Variants in NKAIN2 observed in about 807,000 individuals in gnomAD.
NKAIN2 encodes sodium/potassium-transporting ATPase subunit beta-1-interacting protein 2.
A neutral mutation model predicts 32.6 loss-of-function variants in NKAIN2; 14 were observed. That is an observed-to-expected ratio of 0.43 (90% confidence interval 0.28 to 0.67). NKAIN2 has a LOEUF of 0.67. Among genes scored for constraint, NKAIN2 ranks in the 30% least tolerant of loss-of-function variants. NKAIN2 has a pLI of 0.17. For missense variants in NKAIN2, 198 were observed against 258.3 expected (o/e 0.77, Z 1.60); for synonymous variants, 80 against 87.2 (o/e 0.92, Z 0.46).
intron 2 of NKAIN2, among the ~76,000 whole-genome samples, chr6:124,348,333 C>T (rs922642961): frequency 1.4e-4 from 21 of 152,180 alleles, no homozygotes; most frequent in African/African-American, 3.9e-4. Context: ...TCTCCAGCTG[C>T]GTGCTGGGAG....
intron 3 of NKAIN2, among the ~76,000 whole-genome samples, chr6:124,574,915 T>G (rs1450573227): frequency 6.6e-6 from 1 of 152,202 alleles, no homozygotes; most frequent in Non-Finnish European, 1.5e-5. Flanking sequence ...GGGTTATACA[T>G]TCATTCAGAA....
chr6:124,707,626 G>A (rs1342065260), intron 4 of NKAIN2, among the ~76,000 whole-genome samples: 1 of 146,272 alleles, frequency 6.8e-6, no homozygotes, highest in Non-Finnish European at 1.5e-5. Context: ...TTTTTTGGCT[G>A]CATAAATGTC....
At chr6:124,717,560 T>A (rs917777629) in intron 4 of NKAIN2, among the ~76,000 whole-genome samples, 1 of 152,156 alleles carries the variant, frequency 6.6e-6, no homozygotes, top group African/African-American at 2.4e-5. Context: ...GAAAAAAGTA[T>A]TAAAAGTTTT....
intron 4 of NKAIN2, among the ~76,000 whole-genome samples, chr6:124,771,777 G>A (rs547907353): frequency 6.6e-6 from 1 of 152,012 alleles, no homozygotes; most frequent in Non-Finnish European, 1.5e-5. Context: ...TTATTTCTTA[G>A]AGTAAAAACA....
At chr6:124,256,765 C>T (rs1793954132) in intron 1 of NKAIN2, among the ~76,000 whole-genome samples, 2 of 151,928 alleles carry the variant, frequency 1.3e-5, no homozygotes, top group Admixed American at 1.3e-4. Flanking sequence ...ATTGTAAACA[C>T]TAATAAACAG....
chr6:124,510,970 C>G (rs1431081185), intron 3 of NKAIN2, among the ~76,000 whole-genome samples: 1 of 152,070 alleles, frequency 6.6e-6, no homozygotes, highest in Non-Finnish European at 1.5e-5. Flanking sequence ...ATACATTCAT[C>G]TCAATATACA....
intron 1 of NKAIN2, among the ~76,000 whole-genome samples, chr6:124,041,108 A>G (rs1242592632): frequency 6.6e-6 from 1 of 152,068 alleles, no homozygotes; most frequent in Non-Finnish European, 1.5e-5. Flanking sequence ...AAGTCATGTG[A>G]AAATACTTAT....
intron 1 of NKAIN2, among the ~76,000 whole-genome samples, chr6:123,904,091 C>A (rs1478889334): frequency 6.6e-6 from 1 of 151,852 alleles, no homozygotes; most frequent in Admixed American, 6.6e-5. Flanking sequence ...TTCAGCCAGA[C>A]GTGGTGGTGC....
At chr6:124,526,600 GA>G (rs1779323893) in intron 3 of NKAIN2, among the ~76,000 whole-genome samples, 1 of 152,072 alleles carries the variant, frequency 6.6e-6, no homozygotes, top group African/African-American at 2.4e-5. Context: ...TGGACTCAGA[GA>G]AAAGAGAACT....
intron 3 of NKAIN2, among the ~76,000 whole-genome samples, chr6:124,596,395 C>T (rs1782087105): frequency 6.6e-6 from 1 of 152,154 alleles, no homozygotes; most frequent in Non-Finnish European, 1.5e-5. Flanking sequence ...GAGAGCCCCA[C>T]AGGGCCGCCA....
At chr6:124,711,884 G>C (rs1203013877) in intron 4 of NKAIN2, among the ~76,000 whole-genome samples, 1 of 152,120 alleles carries the variant, frequency 6.6e-6, no homozygotes, top group African/African-American at 2.4e-5. Flanking sequence ...CTTTGGAGGA[G>C]GAGAGGCACT....
rs1782451142 is a variant in NKAIN2, at chr6:124,605,141, C to T, written c.274-53045C>T. Among the ~76,000 whole-genome samples, 3 of 151,960 alleles carry T rather than the reference C, an allele frequency of 2.0e-5. 1 individual carries two copies. The South Asian group carries it at 6.2e-4, about 32-fold the overall frequency. ...TTAACAACTAAGTTCAATCTTTTGT[C>T]AGTGTTATGACTCTGAAAATTAAAG... On this transcript the variant is annotated intron_variant, in intron 3 of 6. Transcript: ENST00000368417.
At chr6:124,502,504 T>G (rs771224940) in intron 3 of NKAIN2, among the ~76,000 whole-genome samples, 2 of 152,212 alleles carry the variant, frequency 1.3e-5, no homozygotes, top group African/African-American at 2.4e-5. Context: ...ATCTCCCATG[T>G]GCAAAAATGT....
chr6:124,119,365 C>T lies in NKAIN2; in HGVS notation c.55-163640C>T, dbSNP rs141162561. ...TGTGCACCTGGGAATGATCACCCAC[C>T]TACCAGATCTGTGAACATGAGCAAG... On this transcript the variant is annotated intron_variant, in intron 1 of 6. Transcript: ENST00000368417. Among the ~76,000 whole-genome samples, 1,217 of 152,288 alleles carry T rather than the reference C, an allele frequency of 8.0e-3. 18 individuals are homozygous for T. Among genetic ancestry groups the T allele is most frequent in the African/African-American group, 0.028 (1,175 of 41,558 alleles).
At chr6:123,928,767 A>G (rs1366993079) in intron 1 of NKAIN2, among the ~76,000 whole-genome samples, 1 of 152,216 alleles carries the variant, frequency 6.6e-6, no homozygotes, top group East Asian at 1.9e-4. Flanking sequence ...TATATCAGAC[A>G]TAAATGCATC....
chr6:124,150,477 A>G (rs918944330), intron 1 of NKAIN2, among the ~76,000 whole-genome samples: 18 of 152,156 alleles, frequency 1.2e-4, no homozygotes, highest in African/African-American at 4.3e-4. Context: ...TTTGCCTTAT[A>G]CATTAATGAT....
chr6:124,154,473 A>G (rs766470822), intron 1 of NKAIN2, among the ~76,000 whole-genome samples: 24 of 151,952 alleles, frequency 1.6e-4, no homozygotes, highest in Non-Finnish European at 2.2e-4. Flanking sequence ...TTAAGTAGAT[A>G]ACTTAGCTTC....
At chr6:124,386,296 A>G (rs1772897143) in intron 3 of NKAIN2, among the ~76,000 whole-genome samples, 8 of 152,146 alleles carry the variant, frequency 5.3e-5, no homozygotes. Flanking sequence ...TATAATAAGC[A>G]GGTGTTATCA....
intron 1 of NKAIN2, among the ~76,000 whole-genome samples, chr6:123,842,842 A>T (rs1421832248): frequency 6.6e-6 from 1 of 152,116 alleles, no homozygotes; most frequent in Non-Finnish European, 1.5e-5. Context: ...TCTACGAGTG[A>T]GGCTCCTTCC....
Sources: gnomAD v4.1 joint callset for allele counts (sites outside exome capture counted in the v4.1 genomes callset) on GRCh38, gnomAD v4.1.1 for gene constraint, MANE v1.5 for transcripts, NCBI Gene and HGNC (gene_info 2026-07-23, HGNC 2026-07-21) for gene names.